The following IDS variants were observed in gnomAD, a reference collection of about 807,000 sequenced individuals.
The protein encoded by IDS is alpha-L-iduronate sulfate sulfatase.
In IDS, 1 loss-of-function variant was observed where a neutral mutation model predicts 33.5. The ratio of observed to expected loss-of-function variants is 0.03; its 90% CI spans 0.01 to 0.14. The LOEUF (loss-of-function observed/expected upper bound fraction) is 0.14. Among genes scored for constraint, IDS ranks in the 10% least tolerant of loss-of-function variants. The pLI is 1.00. For synonymous variants in IDS, 191 were observed against 184.4 expected (o/e 1.04, Z -0.29); for missense variants, 328 against 448.0 (o/e 0.73, Z 2.42).
intron 3 of IDS, chrX:149,502,862 GCAGCCCCTACCTAAGCA>G (rs1339312892): frequency 3.5e-6 from 1 of 289,014 alleles, no homozygotes. Flanking sequence ...AGAGTGGATA[GCAGCCCCTACCTAAGCA>G]CAGCCCCCTC....
rs782318985 is a variant in IDS, at chrX:149,503,871, C to T, written c.240+286G>A. Among the ~76,000 whole-genome samples the T allele has an allele frequency of 1.9e-3, 215 of 111,672 alleles. 1 individual carries two copies. Among genetic ancestry groups the T allele is most frequent in the African/African-American group, 7.0e-3 (214 of 30,611 alleles). Reference sequence around the variant, plus strand: ...TGCCCTTCTGCAGCACCCCTTCCTTCTGAGCACCAGGCAAGCGCCCGTTCT... The same window carrying T: ...TGCCCTTCTGCAGCACCCCTTCCTTTTGAGCACCAGGCAAGCGCCCGTTCT... On this transcript the variant is annotated intron_variant, in intron 2 of 8. Coordinates refer to ENST00000340855, the MANE Select transcript of IDS (RefSeq NM_000202.8).
chrX:149,479,843 T>C lies in IDS; in HGVS notation c.*2903A>G, dbSNP rs2089286320. 1 of 126,132 alleles carries C rather than the reference T, an allele frequency of 7.9e-6. No homozygotes were observed. The highest frequency in any genetic ancestry group is 1.6e-5 in the Non-Finnish European group (1 of 62,578). 10.4% of individuals were successfully genotyped at this position (126,132 alleles called of 1,213,427 possible). On this transcript the variant is annotated 3_prime_UTR_variant, in exon 9 of 9. Coordinates refer to ENST00000340855, the MANE Select transcript of IDS (RefSeq NM_000202.8). ...GTATTTGTGCTGCATTTCTAATTTT[T>C]CCGTAACTGACACATCAGTTTTATA...
chrX:149,480,364 C>T lies in IDS; in HGVS notation c.*2382G>A, dbSNP rs373377758. Reference sequence around the variant, plus strand: ...GCTGATTGCCTTTGTGACCTCACTACCAAACATACTTTGCTCACCTCCAGA... The same window carrying T: ...GCTGATTGCCTTTGTGACCTCACTATCAAACATACTTTGCTCACCTCCAGA... On this transcript the variant is annotated 3_prime_UTR_variant, in exon 9 of 9. Transcript: ENST00000340855. The T allele has an allele frequency of 3.4e-6, 1 of 295,619 alleles. No homozygotes were observed. Among genetic ancestry groups the T allele is most frequent in the East Asian group, 4.8e-5 (1 of 21,009 alleles). 24.4% of individuals were successfully genotyped at this position (295,619 alleles called of 1,213,427 possible). A position where few individuals can be genotyped will look rare whatever the true frequency, so the allele number is the denominator to read the frequency against.
intron 6 of IDS, among the ~76,000 whole-genome samples, chrX:149,493,010 G>A (rs782309568): frequency 9.0e-6 from 1 of 111,647 alleles, no homozygotes; most frequent in Admixed American, 9.5e-5. Flanking sequence ...AGAAAAGGCA[G>A]GGCAGGGGTG....
At chrX:149,499,883 A>G (rs1471256972) in intron 4 of IDS, among the ~76,000 whole-genome samples, 2 of 111,339 alleles carry the variant, frequency 1.8e-5, no homozygotes, top group African/African-American at 6.5e-5. Flanking sequence ...TTTGCTTCCT[A>G]AAGTAGACAT....
chrX:149,495,539 C>A (rs2089429643), intron 6 of IDS: 1 of 104,912 alleles, frequency 9.5e-6, no homozygotes, highest in African/African-American at 3.6e-5. Flanking sequence ...TTGTGTAAAT[C>A]TGAGTGGGCC....
At position 149,505,066 on chromosome X, in the gene IDS, G is replaced by C. The variant is rs781800570; in HGVS notation, c.72C>G (p.Leu24=). ...TCGAGTTGGCCTGCGTTTCGGATCC[G>C]AGGGCGACGCAGACGGAGCTCAGAA... ...GLVLSSVCVA[L]GSETQANSTT... is the part of the protein sequence containing the mutation. Residue 24 remains leucine, a synonymous_variant, in exon 1 of 9, where the codon CTC becomes CTG. Coordinates refer to ENST00000340855, the MANE Select transcript of IDS (RefSeq NM_000202.8). 8.3e-7 allele frequency: 1 copy of C among 1,207,545 alleles called. No homozygotes were observed. The highest frequency in any genetic ancestry group is 1.8e-5 in the South Asian group (1 of 56,657).
At chrX:149,486,299 C>G (rs936183298) in intron 8 of IDS, among the ~76,000 whole-genome samples, 8 of 111,792 alleles carry the variant, frequency 7.2e-5, no homozygotes, top group African/African-American at 2.6e-4. Flanking sequence ...GGTTGAAGGG[C>G]TGGGGATTTC....
At position 149,505,301 on chromosome X, in the gene IDS, G is replaced by A. The variant is rs1465230083; in HGVS notation, c.-164C>T. 2 of 309,463 alleles carry A rather than the reference G, an allele frequency of 6.5e-6. No individual in the cohort carries two copies. The highest frequency in any genetic ancestry group is 1.1e-5 in the Non-Finnish European group (2 of 177,165). The allele number at this position is 309,463 out of a possible 1,213,427, so 25.5% of individuals were successfully genotyped here. A position where few individuals can be genotyped will look rare whatever the true frequency, so the allele number is the denominator to read the frequency against. On this transcript the variant is annotated 5_prime_UTR_variant, in exon 1 of 9. Coordinates refer to ENST00000340855, the MANE Select transcript of IDS (RefSeq NM_000202.8). The stretch of plus-strand genomic sequence containing the variant: ...CGCAGGCCCGGGCGCTGGCCGCAGC[G>A]CGAGTGCGTCCGTGCGACTCTTCCC...
In IDS at chrX:149,477,331, GAATAC is replaced by G. The variant is rs1442512212; in HGVS notation, c.*5410_*5414del. 8.9e-6 allele frequency: 1 copy of G among 112,509 alleles called. No individual in the cohort carries two copies. The highest frequency in any genetic ancestry group is 3.2e-5 in the African/African-American group (1 of 30,884). 9.3% of individuals were successfully genotyped at this position (112,509 alleles called of 1,213,427 possible). On this transcript the variant is annotated 3_prime_UTR_variant, in exon 9 of 9. Transcript: ENST00000340855. ...CAACTCTTGTTTCCTAGCATGTGCT[GAATAC>G]ACTACTAGACCTTGAGCTTTTGTTC...
chrX:149,490,514 C>T, intron 6 of IDS, 74 bp from the exon 7 acceptor site: 2 of 1,056,090 alleles, frequency 1.9e-6, no homozygotes, highest in South Asian at 3.8e-5. Flanking sequence ...ATAATGCTTG[C>T]CTGTGCATCT....
Position 149,483,017 on chromosome X carries a change from A to G in IDS, c.1382T>C (p.Ile461Thr). 8.3e-7 allele frequency: 1 copy of G among 1,210,620 alleles called. No homozygotes were observed. The highest frequency in any genetic ancestry group is 1.1e-6 in the Non-Finnish European group (1 of 894,447). The change falls in exon 9 of 9, where the codon ATT becomes ACT. Residue 461 changes from isoleucine to threonine, a missense_variant. Ile to Thr is a moderately conservative substitution (Grantham distance 89, BLOSUM62 -1). Around this residue, in one of 4 missense-constraint regions of IDS, gnomAD observed 265 missense variants for 339.2 expected, o/e 0.78. Transcript: ENST00000340855. ...PYLPGNPREL[I>T]AYSQYPRPSD... Reference sequence around the variant, plus strand: ...AGGCCGGGGATACTGGCTATAGGCAATCAGTTCACGGGGATTACCAGGGAG... The same window carrying G: ...AGGCCGGGGATACTGGCTATAGGCAGTCAGTTCACGGGGATTACCAGGGAG...
chrX:149,490,466 G>C (rs1557338615), intron 6 of IDS, 26 bp from the exon 7 acceptor site: 1 of 1,204,776 alleles, frequency 8.3e-7, no homozygotes, highest in Non-Finnish European at 1.1e-6. Flanking sequence ...AAATAAAAAT[G>C]AGAGTGACTG....
intron 7 of IDS, among the ~76,000 whole-genome samples, chrX:149,489,279 A>G (rs2124015975): frequency 8.9e-6 from 1 of 112,918 alleles, no homozygotes; most frequent in East Asian, 2.8e-4. Flanking sequence ...ATTGCCTATG[A>G]CATTAAGTGT....
rs1156512118 is a variant in IDS, at chrX:149,481,834, T to G, written c.*912A>C. 1 of 112,471 alleles carries G rather than the reference T, an allele frequency of 8.9e-6. No individual in the cohort carries two copies. The highest frequency in any genetic ancestry group is 1.9e-5 in the Non-Finnish European group (1 of 53,292). 9.3% of individuals were successfully genotyped at this position (112,471 alleles called of 1,213,427 possible). On this transcript the variant is annotated 3_prime_UTR_variant, in exon 9 of 9. Transcript: ENST00000340855. ...CAATTAAAATGGAATATTTTCTGCC[T>G]CCTGAATAAATACATGTCTGTAACC...
At position 149,483,215 on chromosome X, in the gene IDS, C is replaced by G. The variant is rs782475200; in HGVS notation, c.1184G>C (p.Arg395Thr). 43 of 1,201,668 alleles carry G rather than the reference C, an allele frequency of 3.6e-5. No homozygotes were observed. Among genetic ancestry groups the G allele is most frequent in the Non-Finnish European group, 4.6e-5 (41 of 888,137 alleles). The change falls in exon 9 of 9, where the codon AGG becomes ACG. Residue 395 changes from arginine to threonine, a missense_variant. Transcript: ENST00000340855. ...DSASQLMEPGRQSMDLVELVS... is the reference protein window; with the variant it reads ...DSASQLMEPGTQSMDLVELVS... ...AAGTTCCACAAGGTCCATGGATTGC[C>G]TGCCTGAAACAGGAAGCGACAGAGC...
rs1358988989 is a variant in IDS, at chrX:149,479,095, T to A, written c.*3651A>T. ...GTGCAGTGGCGCGATCTTGGCTCAC[T>A]GCAACCTCCGCCTCCTGGGTTCAAG... On this transcript the variant is annotated 3_prime_UTR_variant, in exon 9 of 9. Transcript: ENST00000340855. The A allele has an allele frequency of 1.8e-5, 2 of 112,852 alleles. No homozygotes were observed. Among genetic ancestry groups the A allele is most frequent in the Non-Finnish European group, 3.7e-5 (2 of 53,342 alleles). 9.3% of individuals were successfully genotyped at this position (112,852 alleles called of 1,213,427 possible).
Position 149,505,265 on chromosome X carries a change from C to A in IDS, c.-128G>T, listed in dbSNP as rs1172268550. ...CCATGAAGACTGCGCAACACAGCCGCCGCCCGGGCCCGCAGGCCCGGGCGC... is the reference window on the plus strand; with the variant it reads ...CCATGAAGACTGCGCAACACAGCCGACGCCCGGGCCCGCAGGCCCGGGCGC... On this transcript the variant is annotated 5_prime_UTR_variant, in exon 1 of 9. Transcript: ENST00000340855. The A allele has an allele frequency of 8.5e-6, 3 of 351,356 alleles. No individual in the cohort carries two copies. The highest frequency in any genetic ancestry group is 1.4e-5 in the Non-Finnish European group (3 of 210,851). 29.0% of individuals were successfully genotyped at this position (351,356 alleles called of 1,213,427 possible). A position where few individuals can be genotyped will look rare whatever the true frequency, so the allele number is the denominator to read the frequency against.
chrX:149,491,212 C>T (rs782264258), intron 6 of IDS, among the ~76,000 whole-genome samples: 4 of 111,806 alleles, frequency 3.6e-5, no homozygotes, highest in African/African-American at 6.5e-5. Flanking sequence ...ATGGCCGTTA[C>T]GTGGAGCTCA....
Sources: gnomAD v4.1 joint callset for allele counts (sites outside exome capture counted in the v4.1 genomes callset) on GRCh38, gnomAD v4.1.1 for gene constraint, gnomAD v4.1.1 regional missense constraint, MANE v1.5 for transcripts, NCBI Gene and HGNC (gene_info 2026-07-23, HGNC 2026-07-21) for gene names.